DNAJB12: variants seen among roughly 807,000 people sequenced by gnomAD.
DNAJB12 encodes the protein dnaJ homolog subfamily B member 12.
In DNAJB12, 14 loss-of-function variants were observed where a neutral mutation model predicts 40.6. That is an observed-to-expected ratio of 0.34 (90% CI 0.23 to 0.54). The LOEUF (loss-of-function observed/expected upper bound fraction) is 0.54, where lower values mean the gene tolerates loss of function less well. Ranked by LOEUF, DNAJB12 falls within the 20% of genes least tolerant of loss-of-function variation. The probability of loss-of-function intolerance (pLI) is 0.92; values close to 1 mark genes in which losing one functional copy is unlikely to be tolerated. For synonymous variants in DNAJB12, 181 were observed against 199.5 expected (o/e 0.91, Z 0.78); for missense variants, 444 against 501.7 (o/e 0.89, Z 1.10).
At chr10:72,338,639 A>G (rs2131982723) in intron 5 of DNAJB12, among the ~76,000 whole-genome samples, 1 of 152,222 alleles carries the variant, frequency 6.6e-6, no homozygotes, top group South Asian at 2.1e-4. Flanking sequence ...AGTATATACA[A>G]GTTTTTGAGA....
At position 72,335,884 on chromosome 10, in the gene DNAJB12, A is replaced by G; in HGVS notation, c.1054T>C (p.Tyr352His). 6.2e-7 allele frequency: 1 copy of G among 1,614,154 alleles called. No individual in the cohort carries two copies. Among genetic ancestry groups the G allele is most frequent in the Non-Finnish European group, 8.5e-7 (1 of 1,180,012 alleles). The change falls in exon 8 of 9, where the codon TAC (tyrosine) becomes CAC (histidine). Residue 352 changes from tyrosine to histidine, a missense_variant. Physicochemically the swap from Tyr to His is moderately conservative, Grantham distance 83. Transcript: ENST00000444643. The surrounding 1 kb of genome is among the most constrained non-coding windows in gnomAD (Gnocchi z 4.4). Reference sequence around the variant, plus strand: ...GTGCCCATCTTCTGTGCTCTGTGGTACATATCTGTGTCGCCAAAGTAGCGT... The same window carrying G: ...GTGCCCATCTTCTGTGCTCTGTGGTGCATATCTGTGTCGCCAAAGTAGCGT... ...RARYFGDTDM[Y>H]HRAQKMGTPS...
At chr10:72,351,189 A>G (rs1166852133) in intron 1 of DNAJB12, among the ~76,000 whole-genome samples, 3 of 152,156 alleles carry the variant, frequency 2.0e-5, no homozygotes, top group East Asian at 1.9e-4. Flanking sequence ...GTCAAAGCCA[A>G]TGGCTTACCA....
chr10:72,345,466 G>C (rs1256282955), intron 1 of DNAJB12, among the ~76,000 whole-genome samples: 3 of 151,366 alleles, frequency 2.0e-5, no homozygotes, highest in Non-Finnish European at 4.4e-5. Flanking sequence ...GCCAGATGTG[G>C]TGGCGGGCGC....
chr10:72,340,070 C>T (rs982840444), intron 5 of DNAJB12, among the ~76,000 whole-genome samples: 14 of 152,138 alleles, frequency 9.2e-5, no homozygotes, highest in African/African-American at 2.7e-4. Context: ...AGTGGCAGAG[C>T]GCAGTGGCTC....
At chr10:72,339,677 C>T (rs1463052149) in intron 5 of DNAJB12, among the ~76,000 whole-genome samples, 1 of 151,998 alleles carries the variant, frequency 6.6e-6, no homozygotes, top group Non-Finnish European at 1.5e-5. Flanking sequence ...CTGTGGCATA[C>T]AAAATGTGTT....
At chr10:72,350,398 C>CAAAA (rs35316232) in intron 1 of DNAJB12, among the ~76,000 whole-genome samples, 9 of 27,810 alleles carry the variant, frequency 3.2e-4, no homozygotes, top group Admixed American at 9.8e-4. Flanking sequence ...GACCCTGTCT[C>CAAAA]AAAAAAAAAA....
Position 72,354,773 on chromosome 10 carries a change from C to T in DNAJB12, c.125G>A (p.Arg42Gln). 1 of 1,612,196 alleles carries T rather than the reference C, an allele frequency of 6.2e-7. No individual in the cohort carries two copies. Among genetic ancestry groups the T allele is most frequent in the Non-Finnish European group, 8.5e-7 (1 of 1,179,206 alleles). ...EKAQRLYPTP[R>Q]VRALIESLNQ... ...CGGCACCTCACACTCACCGCGAACTCGCGGCGTCGGATACAGCCGCTGTGC... is the reference window on the plus strand; with the variant it reads ...CGGCACCTCACACTCACCGCGAACTTGCGGCGTCGGATACAGCCGCTGTGC... The change falls in exon 1 of 9, where the codon CGA becomes CAA. Residue 42 changes from arginine (R) to glutamine (Q), a missense_variant. By Grantham distance (43) the Arg-to-Gln change is conservative. Transcript: ENST00000444643.
chr10:72,337,584 GCATTACT>G (rs1204502179), intron 6 of DNAJB12, among the ~76,000 whole-genome samples: 1 of 152,222 alleles, frequency 6.6e-6, no homozygotes, highest in Non-Finnish European at 1.5e-5. Flanking sequence ...CATTTTATAT[GCATTACT>G]CATTAATTTC....
chr10:72,334,512 T>G lies in DNAJB12; in HGVS notation c.*136A>C. 6.7e-7 allele frequency: 1 copy of G among 1,502,756 alleles called. No homozygotes were observed. The highest frequency in any genetic ancestry group is 9.0e-7 in the Non-Finnish European group (1 of 1,116,830). 93.1% of individuals were successfully genotyped at this position (1,502,756 alleles called of 1,614,324 possible). ...GAGGGCAGCTGTGCAGCGTTCGGCC[T>G]CCAATTCCATTTTAATTTTGTTTCT... On this transcript the variant is annotated 3_prime_UTR_variant, in exon 9 of 9. Coordinates refer to ENST00000444643, the MANE Select transcript of DNAJB12 (RefSeq NM_017626.7).
intron 5 of DNAJB12, among the ~76,000 whole-genome samples, chr10:72,339,138 G>A (rs1225135898): frequency 6.6e-6 from 1 of 151,700 alleles, no homozygotes; most frequent in Non-Finnish European, 1.5e-5. Flanking sequence ...GTGGTGGTGT[G>A]GGCCTGTGGT....
intron 6 of DNAJB12, among the ~76,000 whole-genome samples, chr10:72,337,763 C>T (rs556817495): frequency 1.3e-5 from 2 of 152,200 alleles, no homozygotes; most frequent in Non-Finnish European, 2.9e-5. Flanking sequence ...CTCAGGAAGC[C>T]CAACCAGAGC....
chr10:72,342,163 C>A (rs1475671430), intron 3 of DNAJB12, among the ~76,000 whole-genome samples: 1 of 152,188 alleles, frequency 6.6e-6, no homozygotes, highest in Non-Finnish European at 1.5e-5. Flanking sequence ...GGTGAGTCCC[C>A]CACTCTCTGG....
intron 1 of DNAJB12, chr10:72,353,303 T>C (rs1333148575): frequency 6.6e-6 from 1 of 152,216 alleles, no homozygotes; most frequent in African/African-American, 2.4e-5. Flanking sequence ...CACCACAGAA[T>C]ATGAATTAAT....
At chr10:72,346,869 C>T (rs1180980433) in intron 1 of DNAJB12, among the ~76,000 whole-genome samples, 1 of 152,158 alleles carries the variant, frequency 6.6e-6, no homozygotes, top group Non-Finnish European at 1.5e-5. Flanking sequence ...TTCTACTGAA[C>T]TCATTCAAAT....
Position 72,351,841 on chromosome 10 carries a change from G to C in DNAJB12, c.133+2924C>G, listed in dbSNP as rs1452715986. 2.6e-5 allele frequency among the ~76,000 whole-genome samples: 4 copies of C among 152,222 alleles called. No homozygotes were observed. In the East Asian group the frequency reaches 7.7e-4, roughly 29 times the overall value. ...CGCTCTCCTGAGTTCCAGGCTGACA[G>C]CTCCTTTGGACTATCCCACTGGCAC... On this transcript the variant is annotated intron_variant, in intron 1 of 8. Coordinates refer to ENST00000444643, the MANE Select transcript of DNAJB12 (RefSeq NM_017626.7).
At chr10:72,336,717 C>G in intron 6 of DNAJB12, 21 bp from the exon 7 acceptor site, 3 of 1,610,934 alleles carry the variant, frequency 1.9e-6, no homozygotes, top group Non-Finnish European at 2.5e-6. Flanking sequence ...ATACCAGGTT[C>G]AAAGTGGGTG....
intron 1 of DNAJB12, among the ~76,000 whole-genome samples, chr10:72,350,352 T>C (rs556263032): frequency 5.4e-5 from 8 of 147,030 alleles, no homozygotes; most frequent in Non-Finnish European, 1.2e-4. Flanking sequence ...TGAGCTGTGA[T>C]TGTGCCACTG....
At position 72,348,095 on chromosome 10, in the gene DNAJB12, C is replaced by T. The variant is rs371807399; in HGVS notation, c.134-2968G>A. Among the ~76,000 whole-genome samples, 6 of 151,898 alleles carry T rather than the reference C, an allele frequency of 4.0e-5. No homozygotes were observed. The East Asian group carries it at 5.8e-4, about 15-fold the overall frequency. On this transcript the variant is annotated intron_variant, in intron 1 of 8. Coordinates refer to ENST00000444643, the MANE Select transcript of DNAJB12 (RefSeq NM_017626.7). ...AAAAATTAGCCGGCGTGGTGGCAGGCGCCTGTAATCCCAGCTACTCGGGAG... is the reference window on the plus strand; with the variant it reads ...AAAAATTAGCCGGCGTGGTGGCAGGTGCCTGTAATCCCAGCTACTCGGGAG...
chr10:72,337,251 C>G (rs1861503093), intron 6 of DNAJB12, among the ~76,000 whole-genome samples: 1 of 152,236 alleles, frequency 6.6e-6, no homozygotes, highest in Non-Finnish European at 1.5e-5. Flanking sequence ...CTCCTCACAT[C>G]TCTCCAGTTG....
Sources: gnomAD v4.1 joint callset for allele counts (sites outside exome capture counted in the v4.1 genomes callset) on GRCh38, gnomAD v4.1.1 for gene constraint, Gnocchi (gnomAD v3.1) non-coding constraint, MANE v1.5 for transcripts, NCBI Gene and HGNC (gene_info 2026-07-23, HGNC 2026-07-21) for gene names.